Variants in RGL3 observed in about 807,000 individuals in gnomAD.
RGL3 encodes the protein ral guanine nucleotide dissociation stimulator like 3.
Under a neutral mutation model 90.6 loss-of-function variants are expected in RGL3, and 85 were observed. The observed-to-expected ratio is 0.94, with a 90% CI of 0.79 to 1.12. The LOEUF (loss-of-function observed/expected upper bound fraction) is 1.12. Among genes scored for constraint, RGL3 ranks in the 50% most tolerant of loss-of-function variants. The probability of loss-of-function intolerance (pLI) is 0.00; values close to 1 mark genes in which losing one functional copy is unlikely to be tolerated. For synonymous variants in RGL3, 408 were observed against 385.5 expected (o/e 1.06, Z -0.68); for missense variants, 1,034 against 939.2 (o/e 1.10, Z -1.32).
intron 18 of RGL3, among the ~76,000 whole-genome samples, chr19:11,395,416 T>C (rs185252458): frequency 6.6e-6 from 1 of 152,262 alleles, no homozygotes; most frequent in African/African-American, 2.4e-5. Context: ...GACAATCTCA[T>C]GCTTCCGCGG....
intron 2 of RGL3, 87 bp from the exon 3 acceptor site, chr19:11,417,146 C>T (rs931239651): frequency 6.3e-5 from 44 of 697,132 alleles, no homozygotes; most frequent in South Asian, 3.2e-4. Context: ...TAGCACCACT[C>T]TTTTTTTTTT....
chr19:11,399,831 T>A lies in RGL3; in HGVS notation c.1746+24A>T, dbSNP rs1409970973. The A allele has an allele frequency of 5.2e-6, 7 of 1,342,992 alleles. No individual in the cohort carries two copies. The South Asian group carries it at 7.5e-5, about 14-fold the overall frequency. The allele number at this position is 1,342,992 out of a possible 1,614,324, so 83.2% of individuals were successfully genotyped here. ...GAGCCTGGGTGCCCGCAGGCCCGCA[T>A]GCACACACAAGCCGTCTTGGTACCT... On this transcript the variant is annotated intron_variant, in intron 16 of 18. Transcript: ENST00000380456.
At position 11,409,405 on chromosome 19, in the gene RGL3, G is replaced by C. The variant is rs1298061042; in HGVS notation, c.638-2541C>G. Among the ~76,000 whole-genome samples, 4 of 151,870 alleles carry C rather than the reference G, an allele frequency of 2.6e-5. 1 individual carries two copies. In the South Asian group the frequency reaches 8.3e-4, roughly 32 times the overall value. On this transcript the variant is annotated intron_variant, in intron 5 of 18. Transcript: ENST00000380456. ...CTGAGGCAGGAGAATGGCGTGAACC[G>C]GCGAGGCGGAGCTTGCAGTAAGCCG...
Position 11,400,098 on chromosome 19 carries a change from G to A in RGL3, c.1591C>T (p.Arg531Ter), listed in dbSNP as rs777133565. 11 of 1,608,812 alleles carry A rather than the reference G, an allele frequency of 6.8e-6. No individual in the cohort carries two copies. The highest frequency in any genetic ancestry group is 6.8e-5 in the Admixed American group (4 of 58,618). Residue 531 changes from arginine to a stop codon, truncating the protein, a stop_gained, in exon 15 of 19, where the codon CGA becomes TGA. Coordinates refer to ENST00000380456, the MANE Select transcript of RGL3 (RefSeq NM_001035223.4). LOFTEE classifies it high-confidence loss of function. ...LTKRLSAKLA[R>*]EKSSSPSGSP... ...CCACTAGGTGATGAGCTTTTCTCTC[G>A]GGCAAGCTTCCTAAGGATGGGGACA... is the stretch of plus-strand genomic sequence containing the variant.
chr19:11,414,277 C>T (rs1432188168), intron 5 of RGL3, among the ~76,000 whole-genome samples: 1 of 66,396 alleles, frequency 1.5e-5, no homozygotes, highest in Non-Finnish European at 2.8e-5. Flanking sequence ...ATATATATAC[C>T]TTTATATATA....
intron 5 of RGL3, chr19:11,408,769 T>A (rs943676032): frequency 2.0e-5 from 3 of 152,324 alleles, no homozygotes; most frequent in South Asian, 4.1e-4. Flanking sequence ...AAAACCTGTT[T>A]GTGGCTGGTC....
At position 11,399,967 on chromosome 19, in the gene RGL3, A is replaced by C; in HGVS notation, c.1650-16T>G. Reference sequence around the variant, plus strand: ...TGGGGACACACTGGGGGAGATGCAGAGGCTGAGGTGGGGTGGCTGTGCTGA... The same window carrying C: ...TGGGGACACACTGGGGGAGATGCAGCGGCTGAGGTGGGGTGGCTGTGCTGA... On this transcript the variant is annotated splice_polypyrimidine_tract_variant and intron_variant, in intron 15 of 18. Coordinates refer to ENST00000380456, the MANE Select transcript of RGL3 (RefSeq NM_001035223.4). 6.4e-7 allele frequency: 1 copy of C among 1,567,362 alleles called. No individual in the cohort carries two copies. The highest frequency in any genetic ancestry group is 8.6e-7 in the Non-Finnish European group (1 of 1,159,998).
At position 11,417,060 on chromosome 19, in the gene RGL3, C is replaced by A. The variant is rs1376588776; in HGVS notation, c.148-1G>T. 1 of 1,590,022 alleles carries A rather than the reference C, an allele frequency of 6.3e-7. No homozygotes were observed. The highest frequency in any genetic ancestry group is 1.7e-5 in the Admixed American group (1 of 57,994). Reference sequence around the variant, plus strand: ...AGGTATTGGCAATGGGGCTGGGAGCCTGCAGGAGGGGAGAGGTGGCCATGA... The same window carrying A: ...AGGTATTGGCAATGGGGCTGGGAGCATGCAGGAGGGGAGAGGTGGCCATGA... On this transcript the variant is annotated splice_acceptor_variant, in intron 2 of 18. Coordinates refer to ENST00000380456, the MANE Select transcript of RGL3 (RefSeq NM_001035223.4). LOFTEE classifies it high-confidence loss of function.
At chr19:11,407,990 C>G (rs980120989) in intron 5 of RGL3, among the ~76,000 whole-genome samples, 4 of 152,042 alleles carry the variant, frequency 2.6e-5, no homozygotes, top group African/African-American at 9.7e-5. Context: ...CTTTTTGAAA[C>G]AGGCTCTCCC....
rs772020574 is a variant in RGL3, at chr19:11,397,566, C to T, written c.1778G>A (p.Arg593Gln). 17 of 1,588,680 alleles carry T rather than the reference C, an allele frequency of 1.1e-5. No homozygotes were observed. The highest frequency in any genetic ancestry group is 7.9e-5 in the South Asian group (7 of 88,866). Residue 593 changes from arginine (R) to glutamine (Q), a missense_variant, in exon 17 of 19, where the codon CGG becomes CAG. By Grantham distance (43) the Arg-to-Gln change is conservative (BLOSUM62 1). Coordinates refer to ENST00000380456, the MANE Select transcript of RGL3 (RefSeq NM_001035223.4). ...LPLSLDLPSP[R>Q]PFALPLGSPR... ...GCTGCCCAGAGGCAAAGCGAAGGGCCGGGGGCTGGGCAGGTCCAGGCTCAG... is the reference window on the plus strand; with the variant it reads ...GCTGCCCAGAGGCAAAGCGAAGGGCTGGGGGCTGGGCAGGTCCAGGCTCAG...
At chr19:11,400,946 A>C (rs940640974) in intron 13 of RGL3, among the ~76,000 whole-genome samples, 2 of 152,164 alleles carry the variant, frequency 1.3e-5, no homozygotes, top group East Asian at 3.9e-4. Context: ...CATTGGGGTC[A>C]ATGGTTAGGG....
rs201434594 is a variant in RGL3, at chr19:11,405,384, G to C, written c.1039C>G (p.Leu347Val). 1.2e-6 allele frequency: 2 copies of C among 1,608,642 alleles called. No homozygotes were observed. The highest frequency in any genetic ancestry group is 2.7e-5 in the African/African-American group (2 of 74,934). The change falls in exon 8 of 19, where the codon CTG becomes GTG. Residue 347 changes from leucine to valine, a missense_variant. Coordinates refer to ENST00000380456, the MANE Select transcript of RGL3 (RefSeq NM_001035223.4). ...LRNFSSLRAILSALQSNPIYR... is the reference protein window; with the variant it reads ...LRNFSSLRAIVSALQSNPIYR... Reference sequence around the variant, plus strand: ...ATGGGGTTAGATTGCAGGGCGGACAGGATGGCGCGCAAGGAGGAGAAGTTC... The same window carrying C: ...ATGGGGTTAGATTGCAGGGCGGACACGATGGCGCGCAAGGAGGAGAAGTTC...
intron 13 of RGL3, 33 bp from the exon 14 acceptor site, chr19:11,400,330 G>C (rs1429914896): frequency 6.6e-7 from 1 of 1,526,110 alleles, no homozygotes; most frequent in Admixed American, 2.0e-5. Flanking sequence ...AGGTGGTGGG[G>C]GCAGGAAATA....
intron 9 of RGL3, 32 bp downstream of exon 9, chr19:11,405,115 C>T (rs766378923): frequency 2.5e-6 from 4 of 1,596,608 alleles, no homozygotes; most frequent in Non-Finnish European, 3.4e-6. Flanking sequence ...CTTCCCGGGC[C>T]TAAAATCCCT....
intron 9 of RGL3, among the ~76,000 whole-genome samples, chr19:11,404,138 C>G (rs1338889405): frequency 6.6e-6 from 1 of 152,226 alleles, no homozygotes; most frequent in Non-Finnish European, 1.5e-5. Flanking sequence ...TCACCTTGGC[C>G]TCCCAAAGTG....
chr19:11,405,686 CTTATTATTA>C (rs921856063), intron 7 of RGL3, among the ~76,000 whole-genome samples: 1 of 147,956 alleles, frequency 6.8e-6, no homozygotes, highest in Admixed American at 6.8e-5. Context: ...TCATGCATGG[CTTATTATTA>C]TTATTATTAT....
Position 11,402,642 on chromosome 19 carries a change from T to C in RGL3, c.1242+8A>G. On this transcript the variant is annotated splice_region_variant and intron_variant, in intron 10 of 18. Transcript: ENST00000380456. Reference sequence around the variant, plus strand: ...CACTTGTCCCCATCCCAAACTGTAATCACTCACTGAGGGCAGGCTGCCTGG... The same window carrying C: ...CACTTGTCCCCATCCCAAACTGTAACCACTCACTGAGGGCAGGCTGCCTGG... 1 of 1,613,860 alleles carries C rather than the reference T, an allele frequency of 6.2e-7. No homozygotes were observed. The highest frequency in any genetic ancestry group is 2.2e-5 in the East Asian group (1 of 44,850).
rs1336277842 is a variant in RGL3 at position 11,402,430 on chromosome 19, AG to A, written c.1329+24del. On this transcript the variant is annotated intron_variant, in intron 11 of 18. Transcript: ENST00000380456. ...GCTGGGGGCAAGTGGAGCTGGGGTC[AG>A]GGGTCAAGGGTCAGGGGTCAGACCT... 5.0e-6 allele frequency: 8 copies of A among 1,591,226 alleles called. No homozygotes were observed. The East Asian group carries it at 1.6e-4, about 31-fold the overall frequency.
rs1169850022 is a variant in RGL3 at position 11,396,158 on chromosome 19, ATTTTTTTT to A, written c.2014+1078_2014+1085del. ...TCTCTATATATATATATATATATAT[ATTTTTTTT>A]TTTTTTTTTTTTTTTTTTTTGAGAC... On this transcript the variant is annotated intron_variant, in intron 18 of 18. Transcript: ENST00000380456. 4.2e-3 allele frequency among the ~76,000 whole-genome samples: 107 copies of A among 25,622 alleles called. 3 individuals are homozygous for A. Among genetic ancestry groups the A allele is most frequent in the African/African-American group, 0.016 (99 of 6,320 alleles). The allele number at this position is 25,622 out of a possible 152,430, so 16.8% of individuals were successfully genotyped here.
Sources: allele counts gnomAD v4.1 joint callset (sites outside exome capture counted in the v4.1 genomes callset), GRCh38; gene constraint gnomAD v4.1.1; transcripts MANE v1.5; gene names NCBI Gene and HGNC (gene_info 2026-07-23, HGNC 2026-07-21).